GPRIN2: variants seen among roughly 807,000 people sequenced by gnomAD.
The protein encoded by GPRIN2 is G protein regulated inducer of neurite outgrowth 2.
A neutral mutation model predicts 0.3 loss-of-function variants in GPRIN2; 1 was observed. The ratio of observed to expected loss-of-function variants is 3.90; its 90% CI spans 1.39 to 18.51. The LOEUF (loss-of-function observed/expected upper bound fraction) is 18.51, where lower values mean the gene tolerates loss of function less well. GPRIN2 is among the 30% of genes most tolerant of loss of function. The pLI, the probability that GPRIN2 is intolerant of heterozygous loss-of-function variation, is 0.11. For missense variants in GPRIN2, 880 were observed against 604.2 expected, an observed-to-expected ratio of 1.46 and a Z score of -4.79; for synonymous variants, 361 against 258.6, an observed-to-expected ratio of 1.40 and a Z score of -3.80.
rs1842011643 is a variant in GPRIN2, at chr10:46,544,765, C to CCCT, written c.*4592_*4594dup. Among the ~76,000 whole-genome samples the CCCT allele has an allele frequency of 6.6e-6, 1 of 152,310 alleles. No individual in the cohort carries two copies. Among genetic ancestry groups the CCCT allele is most frequent in the South Asian group, 2.1e-4 (1 of 4,838 alleles). On this transcript the variant is annotated 3_prime_UTR_variant, in exon 3 of 3. Transcript: ENST00000374314. ...CGAGGACTCGAGTCAGGCTATGCTACCCTCCTTCCATGGCCATGGGAAAAA... is the reference window on the plus strand; with the variant it reads ...CGAGGACTCGAGTCAGGCTATGCTACCCTCCTCCTTCCATGGCCATGGGAAAAA...
chr10:46,557,536 C>T (rs1284162415), upstream of GPRIN2, among the ~76,000 whole-genome samples: 1 of 152,422 alleles, frequency 6.6e-6, no homozygotes, highest in Admixed American at 6.5e-5. Flanking sequence ...AGTGACCGTG[C>T]GGGGATGAGC....
In GPRIN2 at chr10:46,545,536, G is replaced by A. The variant is rs1842080758; in HGVS notation, c.*3824C>T. On this transcript the variant is annotated 3_prime_UTR_variant, in exon 3 of 3. Transcript: ENST00000374314. ...CCCAAGATGAGTGGTGAGGGCTAGGGTAGCCCTCCTCAATGCACTCTGGGA... is the reference window on the plus strand; with the variant it reads ...CCCAAGATGAGTGGTGAGGGCTAGGATAGCCCTCCTCAATGCACTCTGGGA... Among the ~76,000 whole-genome samples the A allele has an allele frequency of 6.6e-6, 1 of 152,312 alleles. No homozygotes were observed. The highest frequency in any genetic ancestry group is 1.9e-4 in the East Asian group (1 of 5,208).
rs1371986924 is a variant in GPRIN2, at chr10:46,542,713, C to A, written c.*6647G>T. On this transcript the variant is annotated 3_prime_UTR_variant, in exon 3 of 3. Transcript: ENST00000374314. Reference sequence around the variant, plus strand: ...ATATGGAGGGGTCAAAGACAGAAATCTCCTCCTCCAGTCCCTAGCCTTGGC... The same window carrying A: ...ATATGGAGGGGTCAAAGACAGAAATATCCTCCTCCAGTCCCTAGCCTTGGC... Among the ~76,000 whole-genome samples, 1 of 152,302 alleles carries A rather than the reference C, an allele frequency of 6.6e-6. No homozygotes were observed.
In GPRIN2 at chr10:46,543,050, T is replaced by G. The variant is rs1027781816; in HGVS notation, c.*6310A>C. Among the ~76,000 whole-genome samples, 1 of 152,310 alleles carries G rather than the reference T, an allele frequency of 6.6e-6. No individual in the cohort carries two copies. The highest frequency in any genetic ancestry group is 1.5e-5 in the Non-Finnish European group (1 of 68,058). On this transcript the variant is annotated 3_prime_UTR_variant, in exon 3 of 3. Transcript: ENST00000374314. Reference sequence around the variant, plus strand: ...GGGCCACTGACAACTGATTTCTCATTCTGGGCAAAAGCAATGGAAACTTGG... The same window carrying G: ...GGGCCACTGACAACTGATTTCTCATGCTGGGCAAAAGCAATGGAAACTTGG...
In GPRIN2 at chr10:46,545,876, T is replaced by C. The variant is rs1842111663; in HGVS notation, c.*3484A>G. On this transcript the variant is annotated 3_prime_UTR_variant, in exon 3 of 3. Transcript: ENST00000374314. ...CCCATCTTACAGATGAGGAAGATGA[T>C]CAAGGCTTGTAACTTGCCCAAGATC... is the stretch of plus-strand genomic sequence containing the variant. 6.6e-6 allele frequency among the ~76,000 whole-genome samples: 1 copy of C among 152,312 alleles called. No homozygotes were observed. Among genetic ancestry groups the C allele is most frequent in the Non-Finnish European group, 1.5e-5 (1 of 68,058 alleles).
chr10:46,557,309 T>G (rs1843353863), upstream of GPRIN2, among the ~76,000 whole-genome samples: 1 of 152,284 alleles, frequency 6.6e-6, no homozygotes, highest in East Asian at 1.9e-4. Context: ...CTCACTCCAG[T>G]CCTTTGAACT....
chr10:46,549,347 G>C lies in GPRIN2; in HGVS notation c.*13C>G. ...GTCAGTGGGCCCAGGCCAGCTCCAA[G>C]GGCCACAGCTCCTCACTCGGGGGCC... On this transcript the variant is annotated 3_prime_UTR_variant, in exon 3 of 3. Coordinates refer to ENST00000374314, the MANE Select transcript of GPRIN2 (RefSeq NM_001385282.1). 1 of 1,463,878 alleles carries C rather than the reference G, an allele frequency of 6.8e-7. No homozygotes were observed. Among genetic ancestry groups the C allele is most frequent in the Non-Finnish European group, 9.0e-7 (1 of 1,109,562 alleles). 90.7% of individuals were successfully genotyped at this position (1,463,878 alleles called of 1,614,324 possible).
chr10:46,549,501 C>T lies in GPRIN2; in HGVS notation c.1236G>A (p.Glu412=). Residue 412 remains glutamate, a synonymous_variant, in exon 3 of 3, where the codon GAG becomes GAA. Transcript: ENST00000374314. ...VLGVAIQKHL[E]MQFEQLQRAP... The stretch of plus-strand genomic sequence containing the variant: ...CCCGCTGCAGCTGCTCAAACTGCAT[C>T]TCCAGGTGCTTCTGGATGGCCACAC... 6.2e-7 allele frequency: 1 copy of T among 1,612,964 alleles called. No homozygotes were observed. Among genetic ancestry groups the T allele is most frequent in the South Asian group, 1.1e-5 (1 of 90,918 alleles).
At position 46,544,553 on chromosome 10, in the gene GPRIN2, A is replaced by C. The variant is rs1487794818; in HGVS notation, c.*4807T>G. On this transcript the variant is annotated 3_prime_UTR_variant, in exon 3 of 3. Coordinates refer to ENST00000374314, the MANE Select transcript of GPRIN2 (RefSeq NM_001385282.1). ...TGCCCAAGCTGGTTTCGAACTCCTG[A>C]GCTCAAGCAGTCAGCCCACCTCAGC... Among the ~76,000 whole-genome samples the C allele has an allele frequency of 6.6e-6, 1 of 152,304 alleles. No individual in the cohort carries two copies. The highest frequency in any genetic ancestry group is 1.5e-5 in the Non-Finnish European group (1 of 68,054).
rs1832842867 is a variant in GPRIN2 at position 46,547,563 on chromosome 10, CACCT to C, written c.*1793_*1796del. ...AGGCAGGTCCTGCCCTCTCTCCACC[CACCT>C]GTCTAACCCCTGCATCCTCAAGACC... is the stretch of plus-strand genomic sequence containing the variant. On this transcript the variant is annotated 3_prime_UTR_variant, in exon 3 of 3. Transcript: ENST00000374314. Among the ~76,000 whole-genome samples the C allele has an allele frequency of 3.9e-3, 594 of 151,964 alleles. No individual in the cohort carries two copies. Among genetic ancestry groups the C allele is most frequent in the African/African-American group, 0.014 (561 of 41,174 alleles).
chr10:46,548,375 C>T lies in GPRIN2; in HGVS notation c.*985G>A, dbSNP rs1842362159. Among the ~76,000 whole-genome samples the T allele has an allele frequency of 6.6e-6, 1 of 152,300 alleles. No homozygotes were observed. The highest frequency in any genetic ancestry group is 1.5e-5 in the Non-Finnish European group (1 of 68,050). Reference sequence around the variant, plus strand: ...CCAGGGCAAACTCCTGCCCTGTCCCCCTCCATTCCTGCCCTCCCTCCTTCC... The same window carrying T: ...CCAGGGCAAACTCCTGCCCTGTCCCTCTCCATTCCTGCCCTCCCTCCTTCC... On this transcript the variant is annotated 3_prime_UTR_variant, in exon 3 of 3. Coordinates refer to ENST00000374314, the MANE Select transcript of GPRIN2 (RefSeq NM_001385282.1).
At position 46,549,924 on chromosome 10, in the gene GPRIN2, C is replaced by T. The variant is rs1555018464; in HGVS notation, c.813G>A (p.Gln271=). ...LVASVSESGL[Q]AQHGVKIHCR... is the part of the protein sequence containing the mutation. ...AGTGGATCTTCACCCCATGCTGAGC[C>T]TGCAGCCCAGACTCGCTCACTGACG... is the stretch of plus-strand genomic sequence containing the variant. Residue 271 remains glutamine (Q), a synonymous_variant, in exon 3 of 3, where the codon CAG becomes CAA. Transcript: ENST00000374314. 3 of 1,614,176 alleles carry T rather than the reference C, an allele frequency of 1.9e-6. No homozygotes were observed. Among genetic ancestry groups the T allele is most frequent in the Non-Finnish European group, 1.7e-6 (2 of 1,180,070 alleles).
chr10:46,549,761 C>G lies in GPRIN2; in HGVS notation c.976G>C (p.Glu326Gln). Residue 326 changes from glutamate (E) to glutamine (Q), a missense_variant, in exon 3 of 3, where the codon GAG becomes CAG. Physicochemically the swap from Glu to Gln is conservative, Grantham distance 29. Transcript: ENST00000374314. Reference sequence around the variant, plus strand: ...TCCTGGGCTGACAGCGGGGATGCCTCTGCAGGGGCCAAGTCATTGGCTGAG... The same window carrying G: ...TCCTGGGCTGACAGCGGGGATGCCTGTGCAGGGGCCAAGTCATTGGCTGAG... ...MTSANDLAPA[E>Q]ASPLSAQDAG... 1.2e-6 allele frequency: 2 copies of G among 1,614,218 alleles called. No homozygotes were observed. Among genetic ancestry groups the G allele is most frequent in the South Asian group, 1.1e-5 (1 of 91,090 alleles).
chr10:46,551,334 C>T (rs936837668), intron 2 of GPRIN2: 12 of 941,424 alleles, frequency 1.3e-5, no homozygotes, highest in African/African-American at 1.8e-5. Flanking sequence ...CTGAGAATCA[C>T]CCTGGGCTTC....
upstream of GPRIN2, among the ~76,000 whole-genome samples, chr10:46,556,863 A>G (rs1843302853): frequency 7.1e-6 from 1 of 140,478 alleles, no homozygotes; most frequent in African/African-American, 2.7e-5. Context: ...CCCCGCCCGC[A>G]CCACGACCGC....
intron 1 of GPRIN2, among the ~76,000 whole-genome samples, 93 bp downstream of exon 1, chr10:46,556,405 G>A (rs1163480917): frequency 1.3e-5 from 2 of 152,296 alleles, no homozygotes; most frequent in Non-Finnish European, 2.9e-5. Flanking sequence ...AGCGCAGGCA[G>A]CGGGAAGGAG....
In GPRIN2 at chr10:46,543,072, TTG is replaced by T. The variant is rs1841877291; in HGVS notation, c.*6286_*6287del. ...CATTCTGGGCAAAAGCAATGGAAAC[TTG>T]GCACAGCAACCCCAGGGAGACCTCC... On this transcript the variant is annotated 3_prime_UTR_variant, in exon 3 of 3. Transcript: ENST00000374314. Among the ~76,000 whole-genome samples, 1 of 152,310 alleles carries T rather than the reference TTG, an allele frequency of 6.6e-6. No homozygotes were observed. Among genetic ancestry groups the T allele is most frequent in the Non-Finnish European group, 1.5e-5 (1 of 68,058 alleles).
intron 2 of GPRIN2, 25 bp from the exon 3 acceptor site, chr10:46,550,767 G>A: frequency 6.7e-7 from 1 of 1,490,966 alleles, no homozygotes; most frequent in Non-Finnish European, 8.9e-7. Flanking sequence ...AAGGGAGGGA[G>A]TGGAGTTGAG....
At chr10:46,556,866 A>G (rs980551513), upstream of GPRIN2, among the ~76,000 whole-genome samples, 3 of 139,122 alleles carry the variant, frequency 2.2e-5, no homozygotes, top group Non-Finnish European at 1.5e-5. Context: ...CGCCCGCACC[A>G]CGACCGCCTG....
Sources: allele counts gnomAD v4.1 joint callset (sites outside exome capture counted in the v4.1 genomes callset), GRCh38; gene constraint gnomAD v4.1.1; transcripts MANE v1.5; gene names NCBI Gene and HGNC (gene_info 2026-07-23, HGNC 2026-07-21).